The following FAM170A variants were observed in gnomAD, a reference collection of about 807,000 sequenced individuals.
The protein encoded by FAM170A is protein FAM170A.
FAM170A carries 28 observed loss-of-function variants against 36.6 expected under a neutral mutation model. The observed-to-expected ratio is 0.76, with a 90% CI of 0.57 to 1.05. The LOEUF is 1.05. FAM170A is among the 50% of genes least tolerant of loss of function. The pLI, the probability that FAM170A is intolerant of heterozygous loss-of-function variation, is 0.00. For synonymous variants in FAM170A, 156 were observed against 143.9 expected (o/e 1.08, Z -0.60); for missense variants, 434 against 396.5 (o/e 1.09, Z -0.80).
chr5:119,632,361 C>T (rs562378000), intron 1 of FAM170A, among the ~76,000 whole-genome samples: 1 of 152,264 alleles, frequency 6.6e-6, no homozygotes, highest in Admixed American at 6.5e-5. Flanking sequence ...ACAAGCCACA[C>T]CATACAATCA....
chr5:119,633,840 C>A, intron 2 of FAM170A, 120 bp from the exon 3 acceptor site: 1 of 1,285,406 alleles, frequency 7.8e-7, no homozygotes, highest in Non-Finnish European at 1.1e-6. Flanking sequence ...ATACCAAGCT[C>A]ACTACACAGC....
chr5:119,635,268 T>C (rs1384483987), intron 4 of FAM170A, among the ~76,000 whole-genome samples, 182 bp downstream of exon 4: 2 of 152,210 alleles, frequency 1.3e-5, no homozygotes, highest in Non-Finnish European at 2.9e-5. Flanking sequence ...GTGAAGAGCA[T>C]TGACTGGGAA....
intron 1 of FAM170A, 90 bp downstream of exon 1, chr5:119,629,928 A>G (rs2434599): frequency 0.72 from 737,226 of 1,030,642 alleles, 265,652 homozygotes; most frequent in South Asian, 0.77. Flanking sequence ...GTCTCGCTCT[A>G]TCGCCCAGGC....
chr5:119,634,678 G>C (rs374265918), exon 3 of FAM170A: 1 of 1,573,132 alleles, frequency 6.4e-7, no homozygotes, highest in South Asian at 1.2e-5. Context: ...ACCTTGGCCT[G>C]AGGAGATCCT....
intron 1 of FAM170A, among the ~76,000 whole-genome samples, chr5:119,631,733 T>C (rs1363791423): frequency 6.6e-6 from 1 of 151,780 alleles, no homozygotes; most frequent in African/African-American, 2.4e-5. Flanking sequence ...GTGTGGGGAG[T>C]GTGTGTGTGT....
At chr5:119,631,924 T>C (rs548917405) in intron 1 of FAM170A, among the ~76,000 whole-genome samples, 2 of 152,318 alleles carry the variant, frequency 1.3e-5, no homozygotes, top group African/African-American at 4.8e-5. Context: ...GGTTGCCGGA[T>C]AAAATACAGG....
rs1369318724 is a variant in FAM170A, at chr5:119,632,857, C to A, written c.180C>A (p.Cys60Ter). Residue 60 changes from cysteine to a stop codon, truncating the protein, a stop_gained, in exon 2 of 5, where the codon TGC becomes TGA. Transcript: ENST00000613773. LOFTEE classifies it high-confidence loss of function. ...CTTCTACCTCCGAATACTGCTCCTG[C>A]GTTTCTTCTTCACGCAAGCTCATCC... 1 of 1,611,294 alleles carries A rather than the reference C, an allele frequency of 6.2e-7. No individual in the cohort carries two copies. The highest frequency in any genetic ancestry group is 1.7e-5 in the Admixed American group (1 of 59,840).
At chr5:119,634,255 A>G in exon 3 of FAM170A, 1 of 1,614,170 alleles carries the variant, frequency 6.2e-7, no homozygotes, top group South Asian at 1.1e-5. Context: ...TTGTGAGGGT[A>G]GGTACTCCCC....
At chr5:119,629,922 C>G (rs1378005825) in intron 1 of FAM170A, 84 bp downstream of exon 1, 16 of 1,096,434 alleles carry the variant, frequency 1.5e-5, no homozygotes, top group Non-Finnish European at 1.9e-5. Context: ...GACGGAGTCT[C>G]GCTCTATCGC....
exon 1 of FAM170A, chr5:119,629,634 A>G (rs963288524): frequency 1.7e-5 from 11 of 654,394 alleles, no homozygotes; most frequent in African/African-American, 1.5e-4. Flanking sequence ...TTCTTTAGCT[A>G]TCTCGGAGAT....
At chr5:119,629,873 T>A (rs1756202909) in intron 1 of FAM170A, 35 bp downstream of exon 1, 1 of 1,537,250 alleles carries the variant, frequency 6.5e-7, no homozygotes, top group Non-Finnish European at 9.0e-7. Flanking sequence ...GGCACAAGCG[T>A]CACTGGCCAG....
intron 1 of FAM170A, among the ~76,000 whole-genome samples, chr5:119,630,165 TC>T (rs1756214488): frequency 7.4e-6 from 1 of 134,890 alleles, no homozygotes; most frequent in Non-Finnish European, 1.6e-5. Context: ...TTTTTTTTTT[TC>T]GTTTCTGAGA....
At chr5:119,634,097 C>T (rs1561524665) in exon 3 of FAM170A, 2 of 1,614,060 alleles carry the variant, frequency 1.2e-6, no homozygotes, top group African/African-American at 2.7e-5. Context: ...TGTGTCCTCT[C>T]TGTGTGTAAA....
At chr5:119,632,921 C>T in intron 2 of FAM170A, 33 bp downstream of exon 2, 4 of 1,546,396 alleles carry the variant, frequency 2.6e-6, no homozygotes, top group Non-Finnish European at 3.5e-6. Flanking sequence ...GCACGTGGCT[C>T]CTTGGCTGTG....
In FAM170A at chr5:119,634,160, G is replaced by T. The variant is rs1234060631; in HGVS notation, c.412G>T (p.Gly138Cys). 1.9e-6 allele frequency: 3 copies of T among 1,614,040 alleles called. No homozygotes were observed. The highest frequency in any genetic ancestry group is 2.5e-6 in the Non-Finnish European group (3 of 1,180,026). The stretch of plus-strand genomic sequence containing the variant: ...CTACATGCAGGTACAAATGAACAAA[G>T]GTGTGGCTGTCTCCTGGGAGACAGA... Residue 138 changes from glycine (G) to cysteine (C), a missense_variant, in exon 3 of 5, where the codon GGT becomes TGT. Physicochemically the swap from Gly to Cys is radical, Grantham distance 159. Transcript: ENST00000613773.
At chr5:119,629,875 A>G in intron 1 of FAM170A, 37 bp downstream of exon 1, 11 of 1,529,840 alleles carry the variant, frequency 7.2e-6, no homozygotes, top group East Asian at 2.3e-5. Context: ...CACAAGCGTC[A>G]CTGGCCAGCC....
exon 3 of FAM170A, chr5:119,634,643 G>C: frequency 6.2e-7 from 1 of 1,607,622 alleles, no homozygotes; most frequent in Non-Finnish European, 8.5e-7. Flanking sequence ...AGCAAAGGAG[G>C]AGGAGGGGCA....
At chr5:119,631,119 T>C (rs1756240780) in intron 1 of FAM170A, among the ~76,000 whole-genome samples, 1 of 152,158 alleles carries the variant, frequency 6.6e-6, no homozygotes, top group Non-Finnish European at 1.5e-5. Context: ...TAATGGCATG[T>C]ATTAAATGTA....
intron 1 of FAM170A, among the ~76,000 whole-genome samples, 168 bp downstream of exon 1, chr5:119,630,006 C>T (rs1472586475): frequency 6.6e-6 from 1 of 152,054 alleles, no homozygotes; most frequent in African/African-American, 2.4e-5. Flanking sequence ...ATTCTCCTGC[C>T]TCAGCCTCCC....
Sources: gnomAD v4.1 joint callset for allele counts (sites outside exome capture counted in the v4.1 genomes callset) on GRCh38, gnomAD v4.1.1 for gene constraint, MANE v1.5 for transcripts, NCBI Gene and HGNC (gene_info 2026-07-23, HGNC 2026-07-21) for gene names.